SCOC: variants seen among roughly 807,000 people sequenced by gnomAD.
SCOC encodes short coiled coil protein.
In SCOC, 7 loss-of-function variants were observed where a neutral mutation model predicts 9.9. The ratio of observed to expected loss-of-function variants is 0.71; its 90% CI spans 0.40 to 1.33. The LOEUF (loss-of-function observed/expected upper bound fraction) is 1.33. Among genes scored for constraint, SCOC ranks in the 40% most tolerant of loss-of-function variants. The probability of loss-of-function intolerance (pLI) is 0.01; values close to 1 mark genes in which losing one functional copy is unlikely to be tolerated. For synonymous variants in SCOC, 19 were observed against 28.2 expected (o/e 0.67, Z 1.03); for missense variants, 66 against 89.7 (o/e 0.74, Z 1.07).
intron 2 of SCOC, among the ~76,000 whole-genome samples, chr4:140,354,482 C>G (rs1185946524): frequency 6.7e-6 from 1 of 149,354 alleles, no homozygotes; most frequent in African/African-American, 2.5e-5. Context: ...CTGGGAGAGC[C>G]TACATTTCAA....
chr4:140,348,798 A>C (rs1291937575), intron 2 of SCOC, among the ~76,000 whole-genome samples: 1 of 152,150 alleles, frequency 6.6e-6, no homozygotes. Flanking sequence ...ACACTTTTCT[A>C]TAGTAGCTGT....
intron 2 of SCOC, among the ~76,000 whole-genome samples, chr4:140,362,301 T>TCTTCTTCTTCTTC: frequency 8.2e-4 from 24 of 29,404 alleles, no homozygotes; most frequent in Admixed American, 1.6e-3. Flanking sequence ...TTCTTCTTCT[T>TCTTCTTCTTCTTC]TTTTTTTTTT....
At chr4:140,377,624 C>G (rs556196126) in intron 1 of SCOC, among the ~76,000 whole-genome samples, 1 of 152,118 alleles carries the variant, frequency 6.6e-6, no homozygotes, top group Non-Finnish European at 1.5e-5. Flanking sequence ...TATATGTACA[C>G]TGGGCATTTT....
chr4:140,381,218 T>C lies in SCOC; in HGVS notation c.*114T>C. On this transcript the variant is annotated 3_prime_UTR_variant, in exon 4 of 4. Coordinates refer to ENST00000608372, the MANE Select transcript of SCOC (RefSeq NM_001153484.2). ...TGGCTTCATTGAATATTTATGAAGA[T>C]AATGTCAGATGTAGACAAAAATAAC... The C allele has an allele frequency of 3.0e-6, 3 of 1,009,210 alleles. No individual in the cohort carries two copies. The South Asian group carries it at 5.3e-5, about 18-fold the overall frequency. The allele number at this position is 1,009,210 out of a possible 1,614,324, so 62.5% of individuals were successfully genotyped here.
rs1226710591 is a variant in SCOC, at chr4:140,366,426, G to A, written c.71-12695G>A. 16 of 1,397,780 alleles carry A rather than the reference G, an allele frequency of 1.1e-5. 1 individual carries two copies. Among genetic ancestry groups the A allele is most frequent in the South Asian group, 3.8e-5 (3 of 79,968 alleles). 86.6% of individuals were successfully genotyped at this position (1,397,780 alleles called of 1,614,324 possible). A position where few individuals can be genotyped will look rare whatever the true frequency, so the allele number is the denominator to read the frequency against. On this transcript the variant is annotated intron_variant, in intron 2 of 4. Coordinates refer to the SCOC transcript ENST00000338517. ...GCAGCAGCTGCAGCAGCAGTAGCAC[G>A]CTTCGCAGCAGGTGCTTTTTTGGGA... is the stretch of plus-strand genomic sequence containing the variant.
chr4:140,353,031 A>C (rs1362835770), intron 2 of SCOC, among the ~76,000 whole-genome samples: 4 of 152,184 alleles, frequency 2.6e-5, no homozygotes, highest in African/African-American at 9.6e-5. Context: ...CATTTCACAA[A>C]GGCTCCAGTT....
intron 1 of SCOC, among the ~76,000 whole-genome samples, chr4:140,276,123 C>T (rs976222358): frequency 6.6e-6 from 1 of 152,124 alleles, no homozygotes; most frequent in Non-Finnish European, 1.5e-5. Flanking sequence ...CTGCCTCAGC[C>T]TCCTGAGTAG....
intron 1 of SCOC, among the ~76,000 whole-genome samples, chr4:140,293,701 A>G (rs1731543838): frequency 6.6e-6 from 1 of 152,178 alleles, no homozygotes; most frequent in Admixed American, 6.5e-5. Flanking sequence ...AGAACCCCAC[A>G]GTGTATCCAA....
chr4:140,277,253 T>C lies in SCOC; in HGVS notation c.-19+19843T>C, dbSNP rs547269335. ...AGAGGGAATAGGCCAAGAGGGAATATAACTTTCAGGTAGAGGCCACCCACA... is the reference window on the plus strand; with the variant it reads ...AGAGGGAATAGGCCAAGAGGGAATACAACTTTCAGGTAGAGGCCACCCACA... On this transcript the variant is annotated intron_variant, in intron 1 of 4. Coordinates refer to the SCOC transcript ENST00000394205. Among the ~76,000 whole-genome samples, 378 of 152,176 alleles carry C rather than the reference T, an allele frequency of 2.5e-3. 2 individuals carry two copies. Among genetic ancestry groups the C allele is most frequent in the African/African-American group, 8.6e-3 (355 of 41,506 alleles).
chr4:140,313,010 T>C (rs1468425194), intron 1 of SCOC, among the ~76,000 whole-genome samples: 2 of 152,186 alleles, frequency 1.3e-5, no homozygotes, highest in African/African-American at 4.8e-5. Flanking sequence ...GTTAACTGAG[T>C]AAAAGTGACA....
chr4:140,336,017 T>C (rs1732946969), intron 1 of SCOC, among the ~76,000 whole-genome samples: 1 of 152,168 alleles, frequency 6.6e-6, no homozygotes, highest in Non-Finnish European at 1.5e-5. Flanking sequence ...CATTCTTATC[T>C]TGACCTCCTT....
chr4:140,368,967 A>G (rs1436709813), upstream of SCOC, among the ~76,000 whole-genome samples: 1 of 152,108 alleles, frequency 6.6e-6, no homozygotes, highest in Non-Finnish European at 1.5e-5. Flanking sequence ...GAGACTGCAC[A>G]GAATCATTCC....
chr4:140,300,781 G>A (rs1423440099), intron 1 of SCOC, among the ~76,000 whole-genome samples: 1 of 152,184 alleles, frequency 6.6e-6, no homozygotes, highest in Non-Finnish European at 1.5e-5. Context: ...ATGTCTAAGT[G>A]GTTTTAAGGA....
intron 1 of SCOC, among the ~76,000 whole-genome samples, chr4:140,307,568 C>T (rs1264950095): frequency 1.3e-5 from 2 of 152,186 alleles, no homozygotes. Context: ...CTTCCCTTTC[C>T]TTACAAAGAT....
At chr4:140,309,652 C>CTAT (rs1461132644) in intron 1 of SCOC, among the ~76,000 whole-genome samples, 1 of 152,178 alleles carries the variant, frequency 6.6e-6, no homozygotes, top group Non-Finnish European at 1.5e-5. Flanking sequence ...TCCTTAAAGC[C>CTAT]TATTACCTCA....
At chr4:140,372,434 A>G (rs183783869), upstream of SCOC, among the ~76,000 whole-genome samples, 334 of 152,352 alleles carry the variant, frequency 2.2e-3, 4 homozygotes, top group Non-Finnish European at 5.7e-4. Context: ...GAAAATTCAA[A>G]TATTCCACAA....
chr4:140,306,291 C>G (rs1042329180), intron 1 of SCOC, among the ~76,000 whole-genome samples: 1 of 152,218 alleles, frequency 6.6e-6, no homozygotes, highest in South Asian at 2.1e-4. Flanking sequence ...GAAAGACCCA[C>G]CCCTTGATTC....
At chr4:140,347,586 C>G (rs1356808407) in intron 2 of SCOC, among the ~76,000 whole-genome samples, 2 of 152,142 alleles carry the variant, frequency 1.3e-5, no homozygotes, top group African/African-American at 4.8e-5. Flanking sequence ...TGTTCTCTCT[C>G]TGGACACACG....
intron 1 of SCOC, among the ~76,000 whole-genome samples, chr4:140,329,130 C>T (rs1184978985): frequency 6.6e-6 from 1 of 152,096 alleles, no homozygotes; most frequent in Non-Finnish European, 1.5e-5. Flanking sequence ...GAATAGAGAA[C>T]CCAGAAATAA....
Sources: gnomAD v4.1 joint callset for allele counts (sites outside exome capture counted in the v4.1 genomes callset) on GRCh38, gnomAD v4.1.1 for gene constraint, MANE v1.5 for transcripts, NCBI Gene and HGNC (gene_info 2026-07-23, HGNC 2026-07-21) for gene names.